ATP2C2: variants seen among roughly 807,000 people sequenced by gnomAD.
ATP2C2 encodes the protein calcium-transporting ATPase type 2C member 2.
Under a neutral mutation model 110.8 loss-of-function variants are expected in ATP2C2, and 171 were observed. The observed-to-expected ratio is 1.54, with a 90% CI of 1.36 to 1.75. ATP2C2 has a LOEUF of 1.75. Ranked by LOEUF, ATP2C2 falls within the 40% of genes most tolerant of loss-of-function variation. The pLI is 0.00. For synonymous variants in ATP2C2, 804 were observed against 508.4 expected (o/e 1.58, Z -7.82); for missense variants, 1,963 against 1,235.0 (o/e 1.59, Z -8.84).
At chr16:84,400,335 T>TG (rs921234582) in intron 2 of ATP2C2, among the ~76,000 whole-genome samples, 8 of 150,240 alleles carry the variant, frequency 5.3e-5, no homozygotes, top group African/African-American at 1.7e-4. Context: ...TTTTGTTGTT[T>TG]TTTTTTTTTG....
chr16:84,411,707 A>T (rs1220087532), intron 6 of ATP2C2, among the ~76,000 whole-genome samples: 2 of 152,168 alleles, frequency 1.3e-5, no homozygotes, highest in African/African-American at 4.8e-5. Context: ...CTCCTAAAGT[A>T]GTGGGATTAC....
Position 84,434,881 on chromosome 16 carries a change from A to G in ATP2C2, c.987-4285A>G, listed in dbSNP as rs1228406707. On this transcript the variant is annotated intron_variant, in intron 11 of 26. Transcript: ENST00000262429. ...TATTATGAATTCATCCAAGTAATACAAAGATGCCCTTCCCCTGCCATATGG... is the reference window on the plus strand; with the variant it reads ...TATTATGAATTCATCCAAGTAATACGAAGATGCCCTTCCCCTGCCATATGG... Among the ~76,000 whole-genome samples, 4 of 152,224 alleles carry G rather than the reference A, an allele frequency of 2.6e-5. No homozygotes were observed. The East Asian group carries it at 7.7e-4, about 29-fold the overall frequency.
chr16:84,412,509 TG>T (rs1456425983), intron 6 of ATP2C2, among the ~76,000 whole-genome samples: 4 of 65,454 alleles, frequency 6.1e-5, no homozygotes, highest in Non-Finnish European at 9.4e-5. Context: ...TATATGTGTC[TG>T]TGTGTGTCTG....
intron 6 of ATP2C2, among the ~76,000 whole-genome samples, chr16:84,413,801 C>G (rs906275020): frequency 6.6e-6 from 1 of 152,166 alleles, no homozygotes; most frequent in African/African-American, 2.4e-5. Context: ...GACCCCCTCC[C>G]TGTGTTACTC....
chr16:84,370,531 A>C (rs71404167), intron 1 of ATP2C2, among the ~76,000 whole-genome samples: 20,970 of 151,814 alleles, frequency 0.14, 1,784 homozygotes, highest in Non-Finnish European at 0.18. Context: ...TGGGCGAGGC[A>C]CTCACTTCCT....
At chr16:84,424,752 T>C (rs1907660293) in intron 10 of ATP2C2, among the ~76,000 whole-genome samples, 1 of 152,056 alleles carries the variant, frequency 6.6e-6, no homozygotes, top group African/African-American at 2.4e-5. Flanking sequence ...ATGGTGCAAA[T>C]ACTCTCAGTG....
rs114386796 is a variant in ATP2C2, at chr16:84,394,373, C to T, written c.100-4126C>T. On this transcript the variant is annotated intron_variant, in intron 1 of 26. Transcript: ENST00000262429. The stretch of plus-strand genomic sequence containing the variant: ...CAGTTTCTCCCCATTCCCCCTTCCC[C>T]AGTCCCAGTCTGCTTTCTGCTCCTA... Among the ~76,000 whole-genome samples, 1,373 of 152,150 alleles carry T rather than the reference C, an allele frequency of 9.0e-3. 41 individuals carry two copies. Among genetic ancestry groups the T allele is most frequent in the African/African-American group, 0.032 (1,320 of 41,424 alleles).
chr16:84,388,158 C>G (rs1013259123), intron 1 of ATP2C2, among the ~76,000 whole-genome samples: 11 of 152,152 alleles, frequency 7.2e-5, no homozygotes, highest in African/African-American at 1.4e-4. Context: ...AATCCTGTCT[C>G]TACTAAAAAT....
At chr16:84,431,477 C>A (rs751331014) in intron 11 of ATP2C2, among the ~76,000 whole-genome samples, 13 of 151,890 alleles carry the variant, frequency 8.6e-5, no homozygotes, top group Non-Finnish European at 1.8e-4. Flanking sequence ...ACCTGGGCAA[C>A]AGAGCAAAAC....
intron 7 of ATP2C2, 146 bp from the exon 8 acceptor site, chr16:84,422,244 A>G: frequency 1.1e-6 from 1 of 907,398 alleles, no homozygotes. Flanking sequence ...TGGAGGCCTC[A>G]GAGGCCGTCG....
intron 1 of ATP2C2, among the ~76,000 whole-genome samples, chr16:84,374,807 C>G (rs1218526653): frequency 6.6e-6 from 1 of 152,168 alleles, no homozygotes; most frequent in Non-Finnish European, 1.5e-5. Context: ...GCTGCTATTT[C>G]TCTTTCGGGG....
intron 26 of ATP2C2, 135 bp downstream of exon 26, chr16:84,462,264 A>T: frequency 8.3e-7 from 1 of 1,203,028 alleles, no homozygotes; most frequent in Non-Finnish European, 1.2e-6. Flanking sequence ...CTCTGTCTTC[A>T]GGGCCCTTCT....
intron 24 of ATP2C2, chr16:84,461,490 C>A: frequency 1.6e-6 from 1 of 606,286 alleles, no homozygotes; most frequent in Non-Finnish European, 2.9e-6. Flanking sequence ...CCCATAGGTG[C>A]CCTGCCCCCA....
rs771763620 is a variant in ATP2C2, at chr16:84,459,342, G to C, written c.2289G>C (p.Gln763His). Residue 763 changes from glutamine (Q) to histidine (H), a missense_variant, in exon 23 of 27, where the codon CAG (glutamine) becomes CAC (histidine). By Grantham distance (24) the Gln-to-His change is conservative. Transcript: ENST00000262429. The stretch of plus-strand genomic sequence containing the variant: ...TGCCCAGCCCCCTCAACGCCATGCA[G>C]ATCCTATGGATCAACATCATCATGG... Reference protein sequence around the residue: ...FNLPSPLNAMQILWINIIMDG... With the variant: ...FNLPSPLNAMHILWINIIMDG... 1.2e-5 allele frequency: 20 copies of C among 1,614,210 alleles called. No homozygotes were observed. Among genetic ancestry groups the C allele is most frequent in the Admixed American group, 1.2e-4 (7 of 60,032 alleles).
chr16:84,445,427 C>T (rs894156440), intron 15 of ATP2C2, among the ~76,000 whole-genome samples: 2 of 150,338 alleles, frequency 1.3e-5, no homozygotes, highest in African/African-American at 5.0e-5. Context: ...TCAGGATGGT[C>T]TTGATCTCCT....
Position 84,459,151 on chromosome 16 carries a change from TACA to T in ATP2C2, c.2183_2185del (p.Asn728del), listed in dbSNP as rs757387978. 13 of 1,614,066 alleles carry T rather than the reference TACA, an allele frequency of 8.1e-6. No individual in the cohort carries two copies. The highest frequency in any genetic ancestry group is 6.7e-5 in the Admixed American group (4 of 60,014). ...AGTGGAGGAAGGCAAGGGTATTTTT[TACA>T]ACATCAAAAACTTTGTCCGATTCCA... On this transcript the variant is annotated inframe_deletion, in exon 22 of 27. Transcript: ENST00000262429.
Position 84,406,546 on chromosome 16 carries a change from C to T in ATP2C2, c.327+1302C>T, listed in dbSNP as rs1393125760. On this transcript the variant is annotated intron_variant, in intron 3 of 26. Coordinates refer to ENST00000262429, the MANE Select transcript of ATP2C2 (RefSeq NM_014861.4). Reference sequence around the variant, plus strand: ...ATCACAGTCCCCTGGGCAGCATCCTCTGTCTCCACTCTCCTTGAGGTCCCC... The same window carrying T: ...ATCACAGTCCCCTGGGCAGCATCCTTTGTCTCCACTCTCCTTGAGGTCCCC... 3.1e-6 allele frequency: 3 copies of T among 969,836 alleles called. No individual in the cohort carries two copies. The East Asian group carries it at 3.4e-4, about 111-fold the overall frequency. The allele number at this position is 969,836 out of a possible 1,614,324, so 60.1% of individuals were successfully genotyped here. A position where few individuals can be genotyped will look rare whatever the true frequency, so the allele number is the denominator to read the frequency against.
chr16:84,452,019 C>T lies in ATP2C2; in HGVS notation c.1759C>T (p.Gln587Ter). Residue 587 changes from glutamine to a stop codon, truncating the protein, a stop_gained, in exon 18 of 27, where the codon CAG (glutamine) becomes TAG (stop). Coordinates refer to ENST00000262429, the MANE Select transcript of ATP2C2 (RefSeq NM_014861.4). LOFTEE classifies it high-confidence loss of function. ...GAGAGTTGGCGTGAAGGAAGCAGTCCAGGTTCTCTCCGAGTCTGGTGTGTC... is the reference window on the plus strand; with the variant it reads ...GAGAGTTGGCGTGAAGGAAGCAGTCTAGGTTCTCTCCGAGTCTGGTGTGTC... ...PPRVGVKEAV[Q>*]VLSESGVSVK... The T allele has an allele frequency of 6.2e-7, 1 of 1,613,580 alleles. No homozygotes were observed. The highest frequency in any genetic ancestry group is 1.1e-5 in the South Asian group (1 of 91,004).
rs376413422 is a variant in ATP2C2, at chr16:84,461,804, C to G, written c.2572C>G (p.Arg858Gly). Residue 858 changes from arginine to glycine, a missense_variant, in exon 25 of 27, where the codon CGC (arginine) becomes GGC (glycine). By Grantham distance (125) the Arg-to-Gly change is moderately radical (BLOSUM62 -2). Transcript: ENST00000262429. ...FFDLFNALTC[R>G]SQTKLIFEIG... ...CGATCTCTTCAACGCCTTGACCTGC[C>G]GCTCTCAGGTGAGACCCGGGCTGAC... 3.1e-6 allele frequency: 5 copies of G among 1,613,786 alleles called. No individual in the cohort carries two copies. Among genetic ancestry groups the G allele is most frequent in the African/African-American group, 2.7e-5 (2 of 74,936 alleles).
Sources: allele counts gnomAD v4.1 joint callset (sites outside exome capture counted in the v4.1 genomes callset), GRCh38; gene constraint gnomAD v4.1.1; transcripts MANE v1.5; gene names NCBI Gene and HGNC (gene_info 2026-07-23, HGNC 2026-07-21).